Variants in DLGAP1 observed in about 807,000 individuals in gnomAD.
DLGAP1 encodes the protein DLG associated protein 1, also known as disks large-associated protein 1.
Under a neutral mutation model 90.8 loss-of-function variants are expected in DLGAP1, and 11 were observed. That is an observed-to-expected ratio of 0.12 (90% CI 0.08 to 0.20). The LOEUF is 0.20. Among genes scored for constraint, DLGAP1 ranks in the 10% least tolerant of loss-of-function variants. The pLI, the probability that DLGAP1 is intolerant of heterozygous loss-of-function variation, is 1.00. For missense variants in DLGAP1, 1,050 were observed against 1,333.8 expected (o/e 0.79, Z 3.31); for synonymous variants, 558 against 540.7 (o/e 1.03, Z -0.44).
intron 7 of DLGAP1, among the ~76,000 whole-genome samples, chr18:3,714,249 T>C (rs1025225378): frequency 6.6e-6 from 1 of 152,182 alleles, no homozygotes; most frequent in Non-Finnish European, 1.5e-5. Context: ...TCTAAGACAG[T>C]TTAGGGTTTT....
At chr18:3,613,338 T>C (rs1791376) in intron 7 of DLGAP1, among the ~76,000 whole-genome samples, 1 of 152,244 alleles carries the variant, frequency 6.6e-6, no homozygotes, top group South Asian at 2.1e-4. Context: ...TCTTCCGTTT[T>C]GTTTTGTTTG....
chr18:3,916,414 C>A (rs2072146032), intron 3 of DLGAP1, among the ~76,000 whole-genome samples: 1 of 152,132 alleles, frequency 6.6e-6, no homozygotes, highest in African/African-American at 2.4e-5. Flanking sequence ...GAACAGCTTT[C>A]AAATGGGGAC....
At position 3,610,135 on chromosome 18, in the gene DLGAP1, C is replaced by A. The variant is rs188038274; in HGVS notation, c.1592-27887G>T. On this transcript the variant is annotated intron_variant, in intron 7 of 12. Coordinates refer to ENST00000315677, the MANE Select transcript of DLGAP1 (RefSeq NM_004746.4). The stretch of plus-strand genomic sequence containing the variant: ...TTCTCAATTCATATGTCCTCTCCTT[C>A]GAGAGGGCTTTAAAAAAACTAAAAC... Among the ~76,000 whole-genome samples, 148 of 152,132 alleles carry A rather than the reference C, an allele frequency of 9.7e-4. 4 individuals are homozygous for A. In the East Asian group the frequency reaches 0.024, roughly 25 times the overall value.
At chr18:4,299,550 C>T (rs2080073461) in intron 1 of DLGAP1, among the ~76,000 whole-genome samples, 1 of 152,182 alleles carries the variant, frequency 6.6e-6, no homozygotes, top group African/African-American at 2.4e-5. Context: ...TTTTGTCACA[C>T]TGTCACTAAG....
intron 4 of DLGAP1, among the ~76,000 whole-genome samples, chr18:3,877,198 T>C (rs185132864): frequency 5.3e-5 from 8 of 152,330 alleles, no homozygotes; most frequent in East Asian, 1.9e-4. Context: ...ATCTGGTATA[T>C]AGTAGATTTT....
In DLGAP1 at chr18:3,702,410, T is replaced by A. The variant is rs117472646; in HGVS notation, c.1591+26725A>T. 4.1e-3 allele frequency among the ~76,000 whole-genome samples: 625 copies of A among 152,324 alleles called. 30 individuals carry two copies. In the East Asian group the frequency reaches 0.11, roughly 27 times the overall value. On this transcript the variant is annotated intron_variant, in intron 7 of 12. Transcript: ENST00000315677. ...CAGGAGTAAACATGTTTGGGAAATG[T>A]TATCAAAACCAGGAAGGCATAAATT...
chr18:3,715,840 T>A (rs2061743094), intron 7 of DLGAP1, among the ~76,000 whole-genome samples: 2 of 152,156 alleles, frequency 1.3e-5, no homozygotes. Context: ...TTTATTCCTT[T>A]GTCCTAAACT....
intron 1 of DLGAP1, among the ~76,000 whole-genome samples, chr18:4,322,917 T>C (rs582796): frequency 0.98 from 142,330 of 144,498 alleles, 70,127 homozygotes; most frequent in Middle Eastern, 1. Flanking sequence ...GCTGAGTTTG[T>C]GCCACTGCAC....
At chr18:3,510,955 C>G (rs377767013) in intron 10 of DLGAP1, among the ~76,000 whole-genome samples, 4 of 152,210 alleles carry the variant, frequency 2.6e-5, no homozygotes, top group African/African-American at 9.6e-5. Context: ...CAAGGGATAT[C>G]TTTCTTCATT....
chr18:4,295,721 C>G (rs1489180056), intron 1 of DLGAP1, among the ~76,000 whole-genome samples: 1 of 152,116 alleles, frequency 6.6e-6, no homozygotes, highest in African/African-American at 2.4e-5. Context: ...GAAGTGGACA[C>G]AAAAATAATA....
intron 1 of DLGAP1, among the ~76,000 whole-genome samples, chr18:4,184,537 G>A (rs1050770071): frequency 2.6e-5 from 4 of 151,836 alleles, no homozygotes; most frequent in East Asian, 3.9e-4. Flanking sequence ...AATCGGTATC[G>A]TACATAACCC....
intron 5 of DLGAP1, among the ~76,000 whole-genome samples, chr18:3,747,105 C>T (rs2063302220): frequency 6.6e-6 from 1 of 152,168 alleles, no homozygotes; most frequent in Admixed American, 6.6e-5. Flanking sequence ...CACCTGTAAT[C>T]CTAGCACTTT....
At chr18:4,230,912 A>G (rs117735254) in intron 1 of DLGAP1, among the ~76,000 whole-genome samples, 2,601 of 151,938 alleles carry the variant, frequency 0.017, 35 homozygotes, top group Non-Finnish European at 0.024. Context: ...TACATACTCC[A>G]AAATTAAAAA....
intron 1 of DLGAP1, among the ~76,000 whole-genome samples, chr18:4,324,355 G>A (rs1200797539): frequency 6.6e-6 from 1 of 150,756 alleles, no homozygotes; most frequent in Non-Finnish European, 1.5e-5. Flanking sequence ...AATGAACTCT[G>A]AAATTGAATC....
In DLGAP1 at chr18:3,988,646, G is replaced by A. The variant is rs560684635; in HGVS notation, c.-73+16470C>T. 2.0e-5 allele frequency among the ~76,000 whole-genome samples: 3 copies of A among 152,214 alleles called. No individual in the cohort carries two copies. The South Asian group carries it at 6.2e-4, about 32-fold the overall frequency. On this transcript the variant is annotated intron_variant, in intron 3 of 12. Coordinates refer to ENST00000315677, the MANE Select transcript of DLGAP1 (RefSeq NM_004746.4). ...CAGGCAGTGATGCAAATGATGGGGA[G>A]CGGCTGCAAATAGAGATGAAGCTTC...
At chr18:4,168,066 T>C (rs2076959671) in intron 1 of DLGAP1, among the ~76,000 whole-genome samples, 1 of 152,224 alleles carries the variant, frequency 6.6e-6, no homozygotes, top group South Asian at 2.1e-4. Flanking sequence ...GTCAAGGTCC[T>C]ATGTAGACAT....
chr18:3,990,311 T>G (rs1373394746), intron 3 of DLGAP1, among the ~76,000 whole-genome samples: 7 of 151,898 alleles, frequency 4.6e-5, no homozygotes, highest in Non-Finnish European at 5.9e-5. Flanking sequence ...CCATAAAAAA[T>G]GATGAGTTCA....
chr18:3,529,971 C>T (rs531340805), intron 10 of DLGAP1, among the ~76,000 whole-genome samples: 12 of 152,322 alleles, frequency 7.9e-5, no homozygotes, highest in African/African-American at 2.6e-4. Context: ...TTCCTAGCTC[C>T]TTTAGTTTTT....
At chr18:4,222,826 C>T (rs1209044526) in intron 1 of DLGAP1, among the ~76,000 whole-genome samples, 1 of 150,906 alleles carries the variant, frequency 6.6e-6, no homozygotes, top group Non-Finnish European at 1.5e-5. Context: ...TAAACTGATA[C>T]AGGCACTCAC....
Sources: allele counts gnomAD v4.1 joint callset (sites outside exome capture counted in the v4.1 genomes callset), GRCh38; gene constraint gnomAD v4.1.1; transcripts MANE v1.5; gene names NCBI Gene and HGNC (gene_info 2026-07-23, HGNC 2026-07-21).